The following CEP63 variants were observed in gnomAD, a reference collection of about 807,000 sequenced individuals.
The protein encoded by CEP63 is centrosomal protein of 63 kDa.
A neutral mutation model predicts 89.1 loss-of-function variants in CEP63; 84 were observed. The observed-to-expected ratio is 0.94, with a 90% CI of 0.79 to 1.13. CEP63 has a LOEUF of 1.13. Ranked by LOEUF, CEP63 falls within the 50% of genes most tolerant of loss-of-function variation. The pLI is 0.00. For synonymous variants in CEP63, 267 were observed against 272.5 expected (o/e 0.98, Z 0.20); for missense variants, 838 against 813.3 (o/e 1.03, Z -0.37).
downstream of CEP63, among the ~76,000 whole-genome samples, chr3:134,565,314 C>T (rs1957706611): frequency 6.6e-6 from 1 of 152,182 alleles, no homozygotes; most frequent in African/African-American, 2.4e-5. Flanking sequence ...AAAAATACTA[C>T]AACACTCTGT....
the CEP63 span, among the ~76,000 whole-genome samples, chr3:134,649,715 A>G: frequency 5.9e-5 from 9 of 152,184 alleles, no homozygotes; most frequent in South Asian, 1.9e-3. Context: ...TGCCTTCCCA[A>G]GAGGTTCCCA....
chr3:134,690,449 C>A, the CEP63 span, among the ~76,000 whole-genome samples: 1 of 152,204 alleles, frequency 6.6e-6, no homozygotes, highest in Non-Finnish European at 1.5e-5. Context: ...CTAAGCTGCA[C>A]TGCAATAGAG....
the CEP63 span, among the ~76,000 whole-genome samples, chr3:134,739,983 A>C: frequency 6.6e-6 from 1 of 152,070 alleles, no homozygotes; most frequent in South Asian, 2.1e-4. Flanking sequence ...AGAATGAAAA[A>C]TTAGAGGCAC....
chr3:134,715,517 T>A, the CEP63 span, among the ~76,000 whole-genome samples: 80,868 of 119,528 alleles, frequency 0.68, 23,480 homozygotes, highest in East Asian at 0.82. Context: ...CAGGAAAGGT[T>A]TTTTTTTTTT....
downstream of CEP63, among the ~76,000 whole-genome samples, chr3:134,578,867 C>T (rs1958280589): frequency 6.6e-6 from 1 of 152,154 alleles, no homozygotes; most frequent in Non-Finnish European, 1.5e-5. Context: ...GTTGCCTGTT[C>T]ACTCTGATGA....
At chr3:134,723,395 C>T in the CEP63 span, among the ~76,000 whole-genome samples, 992 of 152,262 alleles carry the variant, frequency 6.5e-3, 5 homozygotes, top group Non-Finnish European at 0.01. Context: ...TTCTAGTCCT[C>T]TGGTACAAAG....
At chr3:134,610,656 A>G in the CEP63 span, 1 of 365,806 alleles carries the variant, frequency 2.7e-6, no homozygotes, top group Non-Finnish European at 4.9e-6. Context: ...CATTCAGATC[A>G]CTTCTGAAAT....
In CEP63 at chr3:134,560,283, A is replaced by G. The variant is rs189385548; in HGVS notation, c.1953+854A>G. Among the ~76,000 whole-genome samples, 438 of 152,320 alleles carry G rather than the reference A, an allele frequency of 2.9e-3. 4 individuals carry two copies. The highest frequency in any genetic ancestry group is 2.3e-3 in the Non-Finnish European group (157 of 68,024). On this transcript the variant is annotated intron_variant, in intron 14 of 14. Coordinates refer to ENST00000675561, the MANE Select transcript of CEP63 (RefSeq NM_001353108.3). ...GTGATGGGATGTTCCCTCAGACTCC[A>G]CTGGGGTAATACAGTTGATCCTCAT... is the stretch of plus-strand genomic sequence containing the variant.
chr3:134,598,741 G>A, the CEP63 span, among the ~76,000 whole-genome samples: 1 of 152,198 alleles, frequency 6.6e-6, no homozygotes, highest in Non-Finnish European at 1.5e-5. Flanking sequence ...GGTTGGATAG[G>A]GATGCATTTA....
the CEP63 span, chr3:134,629,635 A>C: frequency 1.9e-6 from 3 of 1,600,734 alleles, no homozygotes; most frequent in Non-Finnish European, 2.6e-6. Context: ...AGCCAAGGAG[A>C]ACTTCTTGAG....
intron 6 of CEP63, among the ~76,000 whole-genome samples, chr3:134,544,992 AT>A (rs1952936416): frequency 1.3e-5 from 2 of 151,316 alleles, no homozygotes; most frequent in South Asian, 4.2e-4. Flanking sequence ...TTTGTATTTT[AT>A]TTGTTTGTTT....
At position 134,552,388 on chromosome 3, in the gene CEP63, A is replaced by G. The variant is rs568787183; in HGVS notation, c.1467+376A>G. On this transcript the variant is annotated intron_variant, in intron 12 of 14. Transcript: ENST00000675561. ...CTGGCTGATGTTGTATTTTCAGTAG[A>G]GGCAGGGTTTCTCCATGTTGGTCAG... 6.5e-3 allele frequency: 1,074 copies of G among 164,160 alleles called. 13 individuals are homozygous for G. The highest frequency in any genetic ancestry group is 0.025 in the African/African-American group (1,029 of 41,732). 10.2% of individuals were successfully genotyped at this position (164,160 alleles called of 1,614,324 possible).
chr3:134,774,030 T>C, the CEP63 span, among the ~76,000 whole-genome samples: 2 of 152,192 alleles, frequency 1.3e-5, no homozygotes, highest in African/African-American at 4.8e-5. Flanking sequence ...CTGAATACAA[T>C]TGAGTAACAG....
At chr3:134,569,452 C>T (rs1286644683), downstream of CEP63, among the ~76,000 whole-genome samples, 1 of 152,212 alleles carries the variant, frequency 6.6e-6, no homozygotes, top group African/African-American at 2.4e-5. Flanking sequence ...GCTGCAGGCC[C>T]CATGCAAGTC....
the CEP63 span, among the ~76,000 whole-genome samples, chr3:134,685,511 T>C: frequency 3.3e-5 from 5 of 152,204 alleles, no homozygotes; most frequent in African/African-American, 1.2e-4. Context: ...TAGTCAGTGG[T>C]TGGAACAAAA....
At chr3:134,698,169 T>C in the CEP63 span, among the ~76,000 whole-genome samples, 1 of 152,216 alleles carries the variant, frequency 6.6e-6, no homozygotes, top group Non-Finnish European at 1.5e-5. Context: ...CTCTTATCAG[T>C]ATTTGTTTTC....
the CEP63 span, among the ~76,000 whole-genome samples, chr3:134,766,941 T>C: frequency 6.6e-6 from 1 of 152,186 alleles, no homozygotes; most frequent in African/African-American, 2.4e-5. Flanking sequence ...TTCCTGTAGC[T>C]CCTCAGTGGG....
chr3:134,680,772 C>T, the CEP63 span, among the ~76,000 whole-genome samples: 1 of 152,168 alleles, frequency 6.6e-6, no homozygotes, highest in Non-Finnish European at 1.5e-5. Flanking sequence ...GAAGAGAGCT[C>T]AAAGAGATCT....
At chr3:134,619,102 G>A in the CEP63 span, 2 of 1,471,530 alleles carry the variant, frequency 1.4e-6, no homozygotes, top group South Asian at 2.3e-5. Context: ...GGAAGAGGGA[G>A]AGGGATGGGT....
Sources: allele counts gnomAD v4.1 joint callset (sites outside exome capture counted in the v4.1 genomes callset), GRCh38; gene constraint gnomAD v4.1.1; transcripts MANE v1.5; gene names NCBI Gene and HGNC (gene_info 2026-07-23, HGNC 2026-07-21).